RHCG: variants seen among roughly 807,000 people sequenced by gnomAD.
The protein encoded by RHCG is ammonium transporter Rh type C.
Under a neutral mutation model 55.3 loss-of-function variants are expected in RHCG, and 39 were observed. The observed-to-expected ratio is 0.70, with a 90% CI of 0.55 to 0.92. RHCG has a LOEUF of 0.92. RHCG is among the 40% of genes least tolerant of loss of function. The pLI is 0.00. For missense variants in RHCG, 635 were observed against 627.9 expected, an observed-to-expected ratio of 1.01 and a Z score of -0.12; for synonymous variants, 250 against 246.8, an observed-to-expected ratio of 1.01 and a Z score of -0.12.
At chr15:89,479,145 A>G (rs976141875) in intron 5 of RHCG, among the ~76,000 whole-genome samples, 177 bp downstream of exon 5, 2 of 125,186 alleles carry the variant, frequency 1.6e-5, no homozygotes, top group African/African-American at 5.5e-5. Flanking sequence ...GATAAAGAAT[A>G]TCCTTGCTCT....
Position 89,472,771 on chromosome 15 carries a change from T to G in RHCG, c.1404A>C (p.Pro468=), listed in dbSNP as rs781447764. 1 of 1,587,846 alleles carries G rather than the reference T, an allele frequency of 6.3e-7. No individual in the cohort carries two copies. Among genetic ancestry groups the G allele is most frequent in the East Asian group, 2.3e-5 (1 of 42,976 alleles). Residue 468 remains proline, a synonymous_variant, in exon 10 of 11, where the codon CCA becomes CCC. Coordinates refer to ENST00000268122, the MANE Select transcript of RHCG (RefSeq NM_016321.3). ...PSVPSVPMVS[P]LPMASSVPLV... The stretch of plus-strand genomic sequence containing the variant: ...AGGGTACCGAGGAAGCCATGGGTAG[T>G]GGGGACACCATGGGTACTGAGGGTA...
chr15:89,474,297 G>A (rs1204113379), intron 9 of RHCG, among the ~76,000 whole-genome samples: 1 of 152,162 alleles, frequency 6.6e-6, no homozygotes, highest in African/African-American at 2.4e-5. Flanking sequence ...CATTTTTAAA[G>A]AGTTAATTTA....
In RHCG at chr15:89,479,483, G is replaced by C. The variant is rs1169785638; in HGVS notation, c.676C>G (p.Leu226Val). ...CTGGGCCAGTACATCCACAGGAAGA[G>C]GGTGCCTGGTCAGACCAGACAGGCC... The part of the protein sequence containing the change: ...QSDLFAMIGT[L>V]FLWMYWPSFN... Residue 226 changes from leucine (L) to valine (V), a missense_variant, in exon 5 of 11, where the codon CTC (leucine) becomes GTC (valine). Coordinates refer to ENST00000268122, the MANE Select transcript of RHCG (RefSeq NM_016321.3). The C allele has an allele frequency of 6.2e-7, 1 of 1,611,796 alleles. No homozygotes were observed. The highest frequency in any genetic ancestry group is 8.5e-7 in the Non-Finnish European group (1 of 1,179,044).
intron 2 of RHCG, among the ~76,000 whole-genome samples, chr15:89,484,734 C>G (rs975270918): frequency 1.4e-5 from 2 of 147,568 alleles, no homozygotes; most frequent in Admixed American, 1.4e-4. Flanking sequence ...GAGCCAAGAT[C>G]GCACCACTGC....
In RHCG at chr15:89,486,963, C is replaced by T; in HGVS notation, c.207G>A (p.Met69Ile). 1 of 1,601,882 alleles carries T rather than the reference C, an allele frequency of 6.2e-7. No homozygotes were observed. The highest frequency in any genetic ancestry group is 8.5e-7 in the Non-Finnish European group (1 of 1,171,006). Reference sequence around the variant, plus strand: ...TGAGGAAGCCGAAGCCCACGAAGACCATCACGTGCACGTCCTGGAAGCCTG... The same window carrying T: ...TGAGGAAGCCGAAGCCCACGAAGACTATCACGTGCACGTCCTGGAAGCCTG... ...RYPSFQDVHVMVFVGFGFLMT... is the reference protein window; with the variant it reads ...RYPSFQDVHVIVFVGFGFLMT... The change falls in exon 2 of 11, where the codon ATG becomes ATA. Residue 69 changes from methionine to isoleucine, a missense_variant. Physicochemically the swap from Met to Ile is conservative, Grantham distance 10 (BLOSUM62 1). Coordinates refer to ENST00000268122, the MANE Select transcript of RHCG (RefSeq NM_016321.3).
At chr15:89,480,996 G>A (rs898154991) in intron 3 of RHCG, among the ~76,000 whole-genome samples, 2 of 152,202 alleles carry the variant, frequency 1.3e-5, no homozygotes, top group Non-Finnish European at 2.9e-5. Context: ...TTAGATGGGG[G>A]AAACCCAGCC....
Position 89,477,707 on chromosome 15 carries a change from G to A in RHCG, c.976-54C>T. Reference sequence around the variant, plus strand: ...GCCGGGGGCTGCATCAAGGGTGTGGGGAGGCCGGGATTCCAGAGACCCAGG... The same window carrying A: ...GCCGGGGGCTGCATCAAGGGTGTGGAGAGGCCGGGATTCCAGAGACCCAGG... On this transcript the variant is annotated intron_variant, in intron 6 of 10. Coordinates refer to ENST00000268122, the MANE Select transcript of RHCG (RefSeq NM_016321.3). The surrounding 1 kb of genome is among the most constrained non-coding windows in gnomAD (Gnocchi z 4.5). 1 of 1,607,578 alleles carries A rather than the reference G, an allele frequency of 6.2e-7. No individual in the cohort carries two copies.
chr15:89,473,713 A>T (rs1471379812), intron 9 of RHCG, among the ~76,000 whole-genome samples: 1 of 152,230 alleles, frequency 6.6e-6, no homozygotes, highest in Admixed American at 6.5e-5. Context: ...AATATGTGGG[A>T]GGATACATGT....
At chr15:89,478,140 C>A (rs897940612) in intron 5 of RHCG, among the ~76,000 whole-genome samples, 166 bp from the exon 6 acceptor site, 1 of 152,166 alleles carries the variant, frequency 6.6e-6, no homozygotes, top group Non-Finnish European at 1.5e-5. Flanking sequence ...GACTTCAGCC[C>A]CACCCAGGCT....
rs151318278 is a variant in RHCG at position 89,474,735 on chromosome 15, T to C, written c.1312-1872A>G. Among the ~76,000 whole-genome samples, 1,452 of 149,106 alleles carry C rather than the reference T, an allele frequency of 9.7e-3. 26 individuals carry two copies. Among genetic ancestry groups the C allele is most frequent in the African/African-American group, 0.035 (1,383 of 39,624 alleles). ...CTGCCTTCGTTCATTCCTTCCTGCC[T>C]GCCTTCCTTCCTGCCTGCCTTCCTT... is the stretch of plus-strand genomic sequence containing the variant. On this transcript the variant is annotated intron_variant, in intron 9 of 10. Transcript: ENST00000268122.
At chr15:89,484,949 C>T (rs1285712463) in intron 2 of RHCG, among the ~76,000 whole-genome samples, 1 of 152,172 alleles carries the variant, frequency 6.6e-6, no homozygotes, top group Non-Finnish European at 1.5e-5. Context: ...TTAGAAGACT[C>T]TTCAGCAGGG....
chr15:89,481,123 A>AC (rs988772633), intron 3 of RHCG, among the ~76,000 whole-genome samples: 1 of 151,762 alleles, frequency 6.6e-6, no homozygotes, highest in Non-Finnish European at 1.5e-5. Context: ...GAGCCCCTTA[A>AC]CCCCTCTGAG....
At chr15:89,472,553 C>T (rs1472714256) in intron 10 of RHCG, among the ~76,000 whole-genome samples, 158 bp downstream of exon 10, 7 of 152,190 alleles carry the variant, frequency 4.6e-5, no homozygotes, top group Admixed American at 4.6e-4. Flanking sequence ...AGCTCCCCTG[C>T]CAACCCCATG....
At chr15:89,473,643 A>G (rs570064283) in intron 9 of RHCG, among the ~76,000 whole-genome samples, 2 of 152,342 alleles carry the variant, frequency 1.3e-5, no homozygotes, top group South Asian at 2.1e-4. Context: ...TAATAAAAAC[A>G]AAAAACAATA....
intron 9 of RHCG, among the ~76,000 whole-genome samples, chr15:89,476,507 C>T (rs986799627): frequency 2.0e-5 from 3 of 152,206 alleles, no homozygotes; most frequent in Non-Finnish European, 4.4e-5. Flanking sequence ...CTATAGGTTG[C>T]TTCTGTCACC....
At chr15:89,486,774 C>G in intron 2 of RHCG, 25 bp downstream of exon 2, 1 of 1,566,878 alleles carries the variant, frequency 6.4e-7, no homozygotes, top group Non-Finnish European at 8.7e-7. Flanking sequence ...GTCCGCCACG[C>G]CCCCGGGGCC....
chr15:89,494,741 C>G (rs1221544662), intron 1 of RHCG, among the ~76,000 whole-genome samples: 3 of 151,850 alleles, frequency 2.0e-5, no homozygotes, highest in Non-Finnish European at 4.4e-5. Context: ...CTCCCAAGCT[C>G]AAGCGATCCT....
chr15:89,472,935 T>A, intron 9 of RHCG, 72 bp from the exon 10 acceptor site: 1 of 1,380,240 alleles, frequency 7.2e-7, no homozygotes, highest in East Asian at 2.8e-5. Flanking sequence ...GACTAGAACC[T>A]GGAGCTGCAA....
chr15:89,483,249 G>A lies in RHCG; in HGVS notation c.372-32C>T, dbSNP rs751867706. ...GGAGACAGGCCAGTGGAGAAGCTGGGGCAATAGCAAAAAGTGGCACTGGAG... is the reference window on the plus strand; with the variant it reads ...GGAGACAGGCCAGTGGAGAAGCTGGAGCAATAGCAAAAAGTGGCACTGGAG... On this transcript the variant is annotated intron_variant, in intron 2 of 10. Coordinates refer to ENST00000268122, the MANE Select transcript of RHCG (RefSeq NM_016321.3). 5.4e-6 allele frequency: 8 copies of A among 1,487,820 alleles called. No individual in the cohort carries two copies. In the South Asian group the frequency reaches 8.2e-5, roughly 15 times the overall value. The allele number at this position is 1,487,820 out of a possible 1,614,324, so 92.2% of individuals were successfully genotyped here.
Sources: gnomAD v4.1 joint callset for allele counts (sites outside exome capture counted in the v4.1 genomes callset) on GRCh38, gnomAD v4.1.1 for gene constraint, Gnocchi (gnomAD v3.1) non-coding constraint, MANE v1.5 for transcripts, NCBI Gene and HGNC (gene_info 2026-07-23, HGNC 2026-07-21) for gene names.